CDKL1: variants seen among roughly 807,000 people sequenced by gnomAD.
The protein encoded by CDKL1 is cyclin-dependent kinase-like 1.
A neutral mutation model predicts 42.0 loss-of-function variants in CDKL1; 41 were observed. The ratio of observed to expected loss-of-function variants is 0.98; its 90% CI spans 0.76 to 1.27. The LOEUF is 1.27. Among genes scored for constraint, CDKL1 ranks in the 50% most tolerant of loss-of-function variants. The pLI is 0.00. For missense variants in CDKL1, 394 were observed against 428.4 expected (o/e 0.92, Z 0.71); for synonymous variants, 153 against 158.6 (o/e 0.96, Z 0.26).
intron 4 of CDKL1, chr14:50,342,872 G>T: frequency 7.9e-7 from 1 of 1,270,250 alleles, no homozygotes; most frequent in East Asian, 5.8e-5. Flanking sequence ...CATTCATCCG[G>T]ACAAGATAAA....
intron 2 of CDKL1, among the ~76,000 whole-genome samples, chr14:50,361,986 G>A (rs991873197): frequency 3.3e-5 from 5 of 152,216 alleles, no homozygotes; most frequent in African/African-American, 1.2e-4. Context: ...GGCGAGTTCC[G>A]GGTGGGCATG....
At chr14:50,380,754 A>T (rs1274820796) in intron 2 of CDKL1, among the ~76,000 whole-genome samples, 1 of 151,000 alleles carries the variant, frequency 6.6e-6, no homozygotes, top group South Asian at 2.1e-4. Context: ...GGAATGGCAT[A>T]TAAGTGGTAT....
At chr14:50,393,995 T>C (rs567000691) in intron 2 of CDKL1, among the ~76,000 whole-genome samples, 71 of 152,338 alleles carry the variant, frequency 4.7e-4, no homozygotes, top group African/African-American at 1.6e-3. Context: ...TTTGGGGATA[T>C]AGAGCTACAG....
intron 8 of CDKL1, 49 bp from the exon 9 acceptor site, chr14:50,332,481 AC>A (rs1315870894): frequency 2.6e-6 from 4 of 1,555,598 alleles, no homozygotes; most frequent in Non-Finnish European, 3.5e-6. Context: ...AATTGTATTA[AC>A]TTATTAATGT....
chr14:50,388,350 G>A (rs1024329581), intron 2 of CDKL1, among the ~76,000 whole-genome samples: 1 of 152,244 alleles, frequency 6.6e-6, no homozygotes, highest in Non-Finnish European at 1.5e-5. Flanking sequence ...ATTCAGTTAA[G>A]CACTTAATAA....
chr14:50,385,050 G>A (rs2035033309), intron 2 of CDKL1, among the ~76,000 whole-genome samples: 2 of 116,296 alleles, frequency 1.7e-5, no homozygotes, highest in Middle Eastern at 6.8e-3. Context: ...AAGCCTGGGT[G>A]ACAGAGCAAG....
chr14:50,365,956 C>T (rs565435605), intron 2 of CDKL1, among the ~76,000 whole-genome samples: 5 of 152,348 alleles, frequency 3.3e-5, no homozygotes, highest in South Asian at 4.1e-4. Flanking sequence ...ACGGGCTCTC[C>T]GGCCTTCAGC....
intron 2 of CDKL1, among the ~76,000 whole-genome samples, chr14:50,382,275 A>AC (rs1446567644): frequency 4.6e-5 from 7 of 152,124 alleles, no homozygotes; most frequent in East Asian, 3.9e-4. Context: ...ACGCGGTGGA[A>AC]CCCCGTCTCT....
At chr14:50,382,871 G>A (rs908892067) in intron 2 of CDKL1, among the ~76,000 whole-genome samples, 5 of 152,042 alleles carry the variant, frequency 3.3e-5, no homozygotes, top group African/African-American at 1.2e-4. Context: ...AGGATTACAG[G>A]CGTAAGCCAC....
intron 2 of CDKL1, among the ~76,000 whole-genome samples, chr14:50,367,169 G>A (rs1481706265): frequency 2.0e-5 from 3 of 152,198 alleles, no homozygotes; most frequent in Non-Finnish European, 2.9e-5. Flanking sequence ...CAGAGCAGGC[G>A]CCATGGGGGC....
In CDKL1 at chr14:50,326,666, T is replaced by A. The variant is rs10133342; in HGVS notation, c.*3408A>T. 0.15 allele frequency: 146,127 copies of A among 985,174 alleles called. 11,828 individuals are homozygous for A. The highest frequency in any genetic ancestry group is 0.3 in the African/African-American group (16,949 of 57,280). The allele number at this position is 985,174 out of a possible 1,614,324, so 61.0% of individuals were successfully genotyped here. A position where few individuals can be genotyped will look rare whatever the true frequency, so the allele number is the denominator to read the frequency against. ...AACTGGACATAGATACTTGGCTGAA[T>A]ACAAATAGTTTTGCAGATTGCAATA... On this transcript the variant is annotated 3_prime_UTR_variant, in exon 10 of 10. Coordinates refer to ENST00000395834, the MANE Select transcript of CDKL1 (RefSeq NM_004196.7).
At chr14:50,338,124 T>C (rs1010566891) in intron 7 of CDKL1, among the ~76,000 whole-genome samples, 1 of 152,210 alleles carries the variant, frequency 6.6e-6, no homozygotes, top group African/African-American at 2.4e-5. Context: ...GGTATAAACA[T>C]TTCAAATTTT....
At chr14:50,355,980 G>A (rs2034043882) in intron 3 of CDKL1, among the ~76,000 whole-genome samples, 1 of 152,082 alleles carries the variant, frequency 6.6e-6, no homozygotes. Context: ...GTAAGCTTTG[G>A]GGAGCTATTA....
intron 3 of CDKL1, among the ~76,000 whole-genome samples, chr14:50,350,403 T>C (rs1001769452): frequency 8.9e-4 from 135 of 152,316 alleles, no homozygotes; most frequent in African/African-American, 3.2e-3. Context: ...CTTTAATAGC[T>C]CTTCTAGCTC....
intron 2 of CDKL1, among the ~76,000 whole-genome samples, chr14:50,379,098 C>T (rs543151562): frequency 6.2e-4 from 94 of 152,236 alleles, no homozygotes; most frequent in African/African-American, 1.9e-3. Context: ...GTGATCTGCC[C>T]GCCTCAGTCT....
rs1438708609 is a variant in CDKL1, at chr14:50,329,060, T to TATATAC, written c.*1013_*1014insGTATAT. ...GCATATATATATATATATATATATA[T>TATATAC]ATACATACACATACATACACATACA... On this transcript the variant is annotated 3_prime_UTR_variant, in exon 10 of 10. Transcript: ENST00000395834. 1 of 125,798 alleles carries TATATAC rather than the reference T, an allele frequency of 7.9e-6. No homozygotes were observed. The highest frequency in any genetic ancestry group is 2.9e-5 in the African/African-American group (1 of 34,916). The allele number at this position is 125,798 out of a possible 1,614,324, so 7.8% of individuals were successfully genotyped here.
chr14:50,387,598 G>C (rs1462934675), intron 2 of CDKL1, among the ~76,000 whole-genome samples: 1 of 151,752 alleles, frequency 6.6e-6, no homozygotes, highest in African/African-American at 2.4e-5. Flanking sequence ...GTCCACTTTA[G>C]ATCAGACATG....
intron 6 of CDKL1, 50 bp from the exon 7 acceptor site, chr14:50,339,079 A>G: frequency 1.7e-6 from 2 of 1,204,886 alleles, no homozygotes; most frequent in Non-Finnish European, 2.5e-6. Context: ...GCAAACACTG[A>G]TCTATGGTTT....
At chr14:50,334,316 C>T in intron 8 of CDKL1, 1 of 334,278 alleles carries the variant, frequency 3.0e-6, no homozygotes, top group Admixed American at 4.8e-5. Flanking sequence ...GCCACCACGC[C>T]TAATTTTTTT....
Sources: gnomAD v4.1 joint callset for allele counts (sites outside exome capture counted in the v4.1 genomes callset) on GRCh38, gnomAD v4.1.1 for gene constraint, MANE v1.5 for transcripts, NCBI Gene and HGNC (gene_info 2026-07-23, HGNC 2026-07-21) for gene names.